Variants in HMCES observed in about 807,000 individuals in gnomAD.
HMCES encodes the protein abasic site processing protein HMCES.
Under a neutral mutation model 35.1 loss-of-function variants are expected in HMCES, and 27 were observed. The observed-to-expected ratio is 0.77, with a 90% CI of 0.57 to 1.06. The LOEUF is 1.06. Among genes scored for constraint, HMCES ranks in the 50% least tolerant of loss-of-function variants. The pLI is 0.00. For missense variants in HMCES, 391 were observed against 430.4 expected (o/e 0.91, Z 0.81); for synonymous variants, 130 against 154.7 (o/e 0.84, Z 1.18).
rs138295816 is a variant in HMCES, at chr3:129,294,950, A to G, written c.454-3404A>G. 7.9e-5 allele frequency among the ~76,000 whole-genome samples: 12 copies of G among 152,186 alleles called. No homozygotes were observed. The East Asian group carries it at 2.3e-3, about 29-fold the overall frequency. On this transcript the variant is annotated intron_variant, in intron 4 of 6. Transcript: ENST00000383463. ...AGGTGGGCGGATCACCAGGTCAGGA[A>G]ATCGAGACCATCTTGGCTAACACGG...
At chr3:129,296,812 T>C (rs908669519) in intron 4 of HMCES, among the ~76,000 whole-genome samples, 7 of 152,218 alleles carry the variant, frequency 4.6e-5, no homozygotes, top group Admixed American at 1.3e-4. Flanking sequence ...TTGCCCAGGC[T>C]GGAGTGCAGT....
intron 6 of HMCES, among the ~76,000 whole-genome samples, chr3:129,302,635 T>G (rs2071183529): frequency 6.6e-6 from 1 of 152,110 alleles, no homozygotes; most frequent in Admixed American, 6.5e-5. Flanking sequence ...GAGAATCACT[T>G]GAACCTGGGA....
intron 6 of HMCES, among the ~76,000 whole-genome samples, chr3:129,302,890 A>G (rs1180517377): frequency 6.6e-6 from 1 of 151,900 alleles, no homozygotes; most frequent in African/African-American, 2.4e-5. Context: ...TGAGTCTGAT[A>G]AACCACATTT....
In HMCES at chr3:129,306,078, T is replaced by G. The variant is rs1483875360; in HGVS notation, c.*1253T>G. The G allele has an allele frequency of 1.3e-5, 2 of 152,194 alleles. No individual in the cohort carries two copies. The highest frequency in any genetic ancestry group is 1.5e-5 in the Non-Finnish European group (1 of 68,036). The allele number at this position is 152,194 out of a possible 1,614,324, so 9.4% of individuals were successfully genotyped here. A position where few individuals can be genotyped will look rare whatever the true frequency, so the allele number is the denominator to read the frequency against. ...GCGGGGGCCTCCCTTGTGGACTGAT[T>G]TGCGTGGGATTTGGTTGTTTTATTA... On this transcript the variant is annotated 3_prime_UTR_variant, in exon 7 of 7. Transcript: ENST00000383463.
At chr3:129,290,558 A>T in intron 3 of HMCES, 121 bp from the exon 4 acceptor site, 1 of 982,266 alleles carries the variant, frequency 1.0e-6, no homozygotes, top group Non-Finnish European at 1.5e-6. Flanking sequence ...TGTTGGGATT[A>T]CAGCCGTGAG....
At chr3:129,300,136 A>C (rs2071144805) in intron 5 of HMCES, among the ~76,000 whole-genome samples, 1 of 149,968 alleles carries the variant, frequency 6.7e-6, no homozygotes, top group African/African-American at 2.5e-5. Context: ...CAGGAAGCTT[A>C]GACATGTTTG....
chr3:129,304,445 A>C, intron 6 of HMCES, 144 bp from the exon 7 acceptor site: 1 of 704,586 alleles, frequency 1.4e-6, no homozygotes, highest in Non-Finnish European at 2.5e-6. Context: ...TCCACTCTTG[A>C]CTGGTGGGCC....
chr3:129,283,604 G>A (rs768451660), intron 2 of HMCES, among the ~76,000 whole-genome samples: 15 of 152,270 alleles, frequency 9.9e-5, no homozygotes, highest in Non-Finnish European at 1.9e-4. Context: ...GCTGAGGCAG[G>A]TGGATCGCTT....
chr3:129,298,862 A>C (rs2071126383), intron 5 of HMCES, among the ~76,000 whole-genome samples: 1 of 152,210 alleles, frequency 6.6e-6, no homozygotes, highest in Non-Finnish European at 1.5e-5. Flanking sequence ...TAAATACTAC[A>C]GGCTGAGCAC....
intron 6 of HMCES, among the ~76,000 whole-genome samples, chr3:129,303,841 CAA>C: frequency 6.6e-6 from 1 of 152,134 alleles, no homozygotes; most frequent in East Asian, 1.9e-4. Flanking sequence ...CTCCTGGGCT[CAA>C]ATGATCCTCC....
At chr3:129,284,785 G>T (rs761331856) in intron 2 of HMCES, among the ~76,000 whole-genome samples, 4 of 152,194 alleles carry the variant, frequency 2.6e-5, no homozygotes, top group Non-Finnish European at 5.9e-5. Flanking sequence ...AGTGGCACAT[G>T]CCTATAATCC....
At chr3:129,280,038 G>T in intron 2 of HMCES, 123 bp downstream of exon 2, 1 of 787,820 alleles carries the variant, frequency 1.3e-6, no homozygotes, top group South Asian at 2.3e-5. Flanking sequence ...GATATATTCT[G>T]ACTTCCAGTT....
Position 129,279,852 on chromosome 3 carries a change from C to T in HMCES, c.120C>T (p.Pro40=), listed in dbSNP as rs1186914439. 4 of 1,611,840 alleles carry T rather than the reference C, an allele frequency of 2.5e-6. No homozygotes were observed. Among genetic ancestry groups the T allele is most frequent in the African/African-American group, 2.7e-5 (2 of 74,740 alleles). ...PEWRDPDKYC[P]SYNKSPQSNS... Reference sequence around the variant, plus strand: ...GGAGGGACCCTGATAAGTACTGCCCCTCTTACAACAAGAGTCCTCAATCCA... The same window carrying T: ...GGAGGGACCCTGATAAGTACTGCCCTTCTTACAACAAGAGTCCTCAATCCA... Residue 40 remains proline, a synonymous_variant, in exon 2 of 7, where the codon CCC becomes CCT. Transcript: ENST00000383463. The surrounding 1 kb of genome is among the most constrained non-coding windows in gnomAD (Gnocchi z 4.2).
chr3:129,293,672 G>C (rs2071052640), intron 4 of HMCES, among the ~76,000 whole-genome samples: 1 of 143,438 alleles, frequency 7.0e-6, no homozygotes, highest in Non-Finnish European at 1.5e-5. Context: ...CTGGGTTCAA[G>C]CAATTCTGCC....
Position 129,304,781 on chromosome 3 carries a change from G to C in HMCES, c.1021G>C (p.Glu341Gln). 1 of 1,614,202 alleles carries C rather than the reference G, an allele frequency of 6.2e-7. No individual in the cohort carries two copies. Among genetic ancestry groups the C allele is most frequent in the Non-Finnish European group, 8.5e-7 (1 of 1,180,034 alleles). Residue 341 changes from glutamate (E) to glutamine (Q), a missense_variant, in exon 7 of 7, where the codon GAG becomes CAG. By Grantham distance (29) the Glu-to-Gln change is conservative. Transcript: ENST00000383463. ...ACTCCTAGAGCAATGGCTGAAGCGG[G>C]AGAAGGAGGAGGAACCTGTGGCCAA... is the stretch of plus-strand genomic sequence containing the variant. ...AGLLEQWLKR[E>Q]KEEEPVAKRP...
chr3:129,281,473 C>T (rs11713097), intron 2 of HMCES, among the ~76,000 whole-genome samples: 1 of 150,552 alleles, frequency 6.6e-6, no homozygotes, highest in Non-Finnish European at 1.5e-5. Flanking sequence ...GCTGGACCAC[C>T]TGAGGTCAGG....
Position 129,304,704 on chromosome 3 carries a change from C to T in HMCES, c.944C>T (p.Ser315Phe), listed in dbSNP as rs755882126. The T allele has an allele frequency of 1.9e-6, 3 of 1,614,108 alleles. No homozygotes were observed. Among genetic ancestry groups the T allele is most frequent in the Non-Finnish European group, 2.5e-6 (3 of 1,180,012 alleles). Residue 315 changes from serine (S) to phenylalanine (F), a missense_variant, in exon 7 of 7, where the codon TCC becomes TTC. Coordinates refer to ENST00000383463, the MANE Select transcript of HMCES (RefSeq NM_020187.3). ...GAAGAGTCAGATGTTCCCCAGTGGTCCAGTCAGTTCCTGCAGAAGAGTCCA... is the reference window on the plus strand; with the variant it reads ...GAAGAGTCAGATGTTCCCCAGTGGTTCAGTCAGTTCCTGCAGAAGAGTCCA... The part of the protein sequence containing the change: ...QKEESDVPQW[S>F]SQFLQKSPLP...
intron 3 of HMCES, among the ~76,000 whole-genome samples, chr3:129,290,043 C>T (rs1342426383): frequency 2.6e-5 from 4 of 151,504 alleles, no homozygotes; most frequent in South Asian, 2.1e-4. Context: ...AAAAATTAGC[C>T]GGGCGTGGTG....
At position 129,298,538 on chromosome 3, in the gene HMCES, A is replaced by C. The variant is rs749317423; in HGVS notation, c.635+3A>C. 3.1e-6 allele frequency: 5 copies of C among 1,612,752 alleles called. No homozygotes were observed. Among genetic ancestry groups the C allele is most frequent in the Non-Finnish European group, 4.2e-6 (5 of 1,178,840 alleles). On this transcript the variant is annotated splice_donor_region_variant and intron_variant, in intron 5 of 6. Transcript: ENST00000383463. ...GGCTTGAGTGACATCCACCACAGGCAAGTCATACTTCTTAGCCCTGGATCC... is the reference window on the plus strand; with the variant it reads ...GGCTTGAGTGACATCCACCACAGGCCAGTCATACTTCTTAGCCCTGGATCC...
Sources: allele counts gnomAD v4.1 joint callset (sites outside exome capture counted in the v4.1 genomes callset), GRCh38; gene constraint gnomAD v4.1.1; non-coding constraint Gnocchi (gnomAD v3.1); transcripts MANE v1.5; gene names NCBI Gene and HGNC (gene_info 2026-07-23, HGNC 2026-07-21).